NEDD4L: variants seen among roughly 807,000 people sequenced by gnomAD.
The protein encoded by NEDD4L is E3 ubiquitin-protein ligase NEDD4-like.
In NEDD4L, 54 loss-of-function variants were observed where a neutral mutation model predicts 148.9. That is an observed-to-expected ratio of 0.36 (90% CI 0.29 to 0.45). NEDD4L has a LOEUF of 0.45. Among genes scored for constraint, NEDD4L ranks in the 20% least tolerant of loss-of-function variants. The pLI is 1.00. For synonymous variants in NEDD4L, 433 were observed against 440.7 expected (o/e 0.98, Z 0.22); for missense variants, 856 against 1,233.8 (o/e 0.69, Z 4.59).
intron 1 of NEDD4L, among the ~76,000 whole-genome samples, chr18:58,118,022 A>C (rs1346629660): frequency 6.6e-6 from 1 of 152,202 alleles, no homozygotes; most frequent in East Asian, 1.9e-4. Flanking sequence ...TGGACTTGAC[A>C]CTGGAGACTG....
At chr18:58,212,002 C>G (rs1479536694) in intron 2 of NEDD4L, among the ~76,000 whole-genome samples, 4 of 152,176 alleles carry the variant, frequency 2.6e-5, no homozygotes, top group African/African-American at 9.7e-5. Context: ...TAAATGTAAA[C>G]AAGCAATTCA....
rs571354954 is a variant in NEDD4L, at chr18:58,320,619, G to C, written c.349-1806G>C. Reference sequence around the variant, plus strand: ...TCTTGAGCTCAGGAGTTTGAGACCAGCCTGGGCAACATAGGAAGACCCCCA... The same window carrying C: ...TCTTGAGCTCAGGAGTTTGAGACCACCCTGGGCAACATAGGAAGACCCCCA... On this transcript the variant is annotated intron_variant, in intron 6 of 30. Coordinates refer to ENST00000400345, the MANE Select transcript of NEDD4L (RefSeq NM_001144967.3). 2.5e-4 allele frequency among the ~76,000 whole-genome samples: 38 copies of C among 152,270 alleles called. No homozygotes were observed. In the South Asian group the frequency reaches 7.3e-3, roughly 29 times the overall value.
chr18:58,203,133 ATTT>A (rs1225888016), intron 2 of NEDD4L, among the ~76,000 whole-genome samples: 63 of 151,946 alleles, frequency 4.1e-4, no homozygotes, highest in Admixed American at 4.0e-3. Flanking sequence ...ACACCAACTA[ATTT>A]TTTTATTTTT....
intron 25 of NEDD4L, among the ~76,000 whole-genome samples, chr18:58,385,254 T>A (rs1231272149): frequency 6.6e-6 from 1 of 152,208 alleles, no homozygotes; most frequent in East Asian, 1.9e-4. Flanking sequence ...TTTAAAGCAG[T>A]TAAGCATTTA....
chr18:58,078,218 A>G (rs948198215), intron 1 of NEDD4L, among the ~76,000 whole-genome samples: 1 of 152,228 alleles, frequency 6.6e-6, no homozygotes, highest in African/African-American at 2.4e-5. Context: ...TACCTAATTT[A>G]TTAAAATAAG....
chr18:58,072,620 C>T lies in NEDD4L; in HGVS notation c.48+27912C>T, dbSNP rs145213817. On this transcript the variant is annotated intron_variant, in intron 1 of 30. Transcript: ENST00000400345. ...TCTATGAAAAACTCACAGTTAACAT[C>T]ATACTTCATGGTGAGAAATTGCATG... Among the ~76,000 whole-genome samples the T allele has an allele frequency of 2.4e-3, 373 of 152,280 alleles. 3 individuals carry two copies. Among genetic ancestry groups the T allele is most frequent in the African/African-American group, 8.2e-3 (341 of 41,550 alleles).
At chr18:58,190,771 G>C (rs1049085686) in intron 2 of NEDD4L, among the ~76,000 whole-genome samples, 1 of 152,062 alleles carries the variant, frequency 6.6e-6, no homozygotes, top group Non-Finnish European at 1.5e-5. Context: ...ATACTTCTTA[G>C]CTTACCTTTT....
At chr18:58,347,699 G>A (rs756952214) in intron 16 of NEDD4L, among the ~76,000 whole-genome samples, 5 of 152,132 alleles carry the variant, frequency 3.3e-5, no homozygotes, top group Non-Finnish European at 7.4e-5. Flanking sequence ...CTGCTAACAG[G>A]ATTTCTTTCT....
intron 1 of NEDD4L, among the ~76,000 whole-genome samples, chr18:58,164,006 A>G (rs1257909602): frequency 6.6e-6 from 1 of 150,622 alleles, no homozygotes; most frequent in South Asian, 2.1e-4. Context: ...GCCGTCAGCC[A>G]TTGTGTTCTT....
chr18:58,272,314 G>A (rs147935161), intron 5 of NEDD4L, among the ~76,000 whole-genome samples: 77 of 152,264 alleles, frequency 5.1e-4, no homozygotes, highest in Non-Finnish European at 7.8e-4. Context: ...TAGCTGTTCA[G>A]TGATATTGAT....
chr18:58,319,032 A>G (rs1055979563), intron 6 of NEDD4L, among the ~76,000 whole-genome samples: 4 of 152,218 alleles, frequency 2.6e-5, no homozygotes, highest in Non-Finnish European at 4.4e-5. Context: ...ACTTGGAGGT[A>G]GCTCAGCTGA....
intron 1 of NEDD4L, among the ~76,000 whole-genome samples, chr18:58,162,901 T>G (rs756429401): frequency 6.6e-6 from 1 of 151,898 alleles, no homozygotes. Flanking sequence ...CCATCTCTAC[T>G]AAAAATTCAA....
At chr18:58,117,494 A>C (rs1171787520) in intron 1 of NEDD4L, among the ~76,000 whole-genome samples, 3 of 152,162 alleles carry the variant, frequency 2.0e-5, no homozygotes, top group Admixed American at 2.0e-4. Flanking sequence ...GTAAAATTAT[A>C]AGCTAATGAG....
intron 5 of NEDD4L, among the ~76,000 whole-genome samples, chr18:58,280,280 A>G (rs1182141455): frequency 6.6e-6 from 1 of 151,940 alleles, no homozygotes; most frequent in Non-Finnish European, 1.5e-5. Context: ...TCCACTGTCC[A>G]GCCCATTCCA....
chr18:58,104,335 G>A (rs1017406554), intron 1 of NEDD4L, among the ~76,000 whole-genome samples: 5 of 152,188 alleles, frequency 3.3e-5, no homozygotes, highest in African/African-American at 1.2e-4. Context: ...CGGGGCTGGG[G>A]CGCGGTAGGG....
At chr18:58,320,520 T>C (rs1003625707) in intron 6 of NEDD4L, among the ~76,000 whole-genome samples, 2 of 152,208 alleles carry the variant, frequency 1.3e-5, no homozygotes, top group South Asian at 4.1e-4. Flanking sequence ...GCTCTCAAAT[T>C]ATTTGTTGGT....
intron 2 of NEDD4L, among the ~76,000 whole-genome samples, chr18:58,179,665 A>G (rs1210028032): frequency 4.6e-5 from 7 of 151,822 alleles, no homozygotes; most frequent in Admixed American, 2.6e-4. Context: ...CTATTGTGGA[A>G]CTTTGCATGT....
intron 5 of NEDD4L, among the ~76,000 whole-genome samples, chr18:58,304,227 A>G (rs916128379): frequency 5.9e-5 from 9 of 152,206 alleles, no homozygotes; most frequent in African/African-American, 2.2e-4. Context: ...AGTCAGAAGT[A>G]ACATTTATTG....
At chr18:58,265,685 C>T (rs575485014) in intron 5 of NEDD4L, among the ~76,000 whole-genome samples, 2 of 152,124 alleles carry the variant, frequency 1.3e-5, no homozygotes, top group Admixed American at 6.5e-5. Flanking sequence ...CCACCTCAGA[C>T]TCCCAAGTAG....
Sources: allele counts gnomAD v4.1 joint callset (sites outside exome capture counted in the v4.1 genomes callset), GRCh38; gene constraint gnomAD v4.1.1; transcripts MANE v1.5; gene names NCBI Gene and HGNC (gene_info 2026-07-23, HGNC 2026-07-21).